ADAMTS19: variants seen among roughly 807,000 people sequenced by gnomAD.
ADAMTS19 encodes the protein A disintegrin and metalloproteinase with thrombospondin motifs 19.
ADAMTS19 carries 93 observed loss-of-function variants against 153.3 expected under a neutral mutation model. That is an observed-to-expected ratio of 0.61 (90% confidence interval 0.51 to 0.72). The LOEUF (loss-of-function observed/expected upper bound fraction) is 0.72. Among genes scored for constraint, ADAMTS19 ranks in the 30% least tolerant of loss-of-function variants. The pLI is 0.00. For missense variants in ADAMTS19, 1,482 were observed against 1,552.1 expected (o/e 0.95, Z 0.76); for synonymous variants, 600 against 556.6 (o/e 1.08, Z -1.10).
At chr5:129,483,988 A>G (rs1333570856) in intron 2 of ADAMTS19, among the ~76,000 whole-genome samples, 1 of 151,990 alleles carries the variant, frequency 6.6e-6, no homozygotes, top group East Asian at 1.9e-4. Flanking sequence ...ACCAAGTTAC[A>G]CTCTCACTAA....
At chr5:129,706,858 T>C (rs1756180123) in intron 21 of ADAMTS19, among the ~76,000 whole-genome samples, 1 of 152,192 alleles carries the variant, frequency 6.6e-6, no homozygotes, top group South Asian at 2.1e-4. Context: ...ACACTGATTG[T>C]GGTTTTTTAT....
intron 2 of ADAMTS19, among the ~76,000 whole-genome samples, chr5:129,469,170 A>C (rs1749978477): frequency 6.6e-6 from 1 of 152,100 alleles, no homozygotes; most frequent in Non-Finnish European, 1.5e-5. Flanking sequence ...TAATTACAAA[A>C]TAATATATTC....
chr5:129,590,506 TC>T (rs1231530371), intron 7 of ADAMTS19, among the ~76,000 whole-genome samples: 1 of 152,218 alleles, frequency 6.6e-6, no homozygotes, highest in African/African-American at 2.4e-5. Flanking sequence ...TCTTTCTAGA[TC>T]AGTTTTTTCT....
chr5:129,505,474 T>C (rs905380656), intron 2 of ADAMTS19, among the ~76,000 whole-genome samples: 3 of 152,158 alleles, frequency 2.0e-5, no homozygotes, highest in African/African-American at 7.2e-5. Flanking sequence ...CCATTTATAA[T>C]TAATGAGGTA....
intron 8 of ADAMTS19, among the ~76,000 whole-genome samples, chr5:129,604,479 T>C (rs1045559554): frequency 2.6e-5 from 4 of 152,222 alleles, no homozygotes; most frequent in Admixed American, 2.6e-4. Context: ...GTTAGATATA[T>C]GCTTCATTAG....
At chr5:129,612,055 G>A (rs183204764) in intron 8 of ADAMTS19, among the ~76,000 whole-genome samples, 1 of 151,752 alleles carries the variant, frequency 6.6e-6, no homozygotes, top group Admixed American at 6.6e-5. Context: ...CATGTGCCAT[G>A]TTGGTGTGCT....
intron 6 of ADAMTS19, among the ~76,000 whole-genome samples, chr5:129,543,271 C>G (rs1421041761): frequency 6.6e-6 from 1 of 151,848 alleles, no homozygotes; most frequent in Non-Finnish European, 1.5e-5. Context: ...AGGCTGGTCT[C>G]GAACTCCCGA....
intron 20 of ADAMTS19, among the ~76,000 whole-genome samples, chr5:129,702,169 G>C (rs1239811368): frequency 6.6e-6 from 1 of 152,092 alleles, no homozygotes; most frequent in African/African-American, 2.4e-5. Context: ...AACCCCTACA[G>C]GCTTGTAGTG....
intron 21 of ADAMTS19, among the ~76,000 whole-genome samples, chr5:129,729,811 A>T (rs1757359891): frequency 6.6e-6 from 1 of 152,060 alleles, no homozygotes; most frequent in South Asian, 2.1e-4. Context: ...CTGAAAAATG[A>T]TGTGTTACTT....
At chr5:129,544,741 G>A (rs1435467647) in intron 6 of ADAMTS19, among the ~76,000 whole-genome samples, 1 of 152,106 alleles carries the variant, frequency 6.6e-6, no homozygotes, top group Non-Finnish European at 1.5e-5. Context: ...TGGGGAAGTG[G>A]AACTGAAATG....
intron 7 of ADAMTS19, among the ~76,000 whole-genome samples, chr5:129,585,330 C>G (rs1022831110): frequency 2.6e-5 from 4 of 152,012 alleles, no homozygotes; most frequent in African/African-American, 9.6e-5. Context: ...CAGACCGGAG[C>G]TGTTCCTATT....
chr5:129,552,276 G>A (rs974915934), intron 7 of ADAMTS19, among the ~76,000 whole-genome samples: 10 of 151,792 alleles, frequency 6.6e-5, no homozygotes, highest in Admixed American at 6.6e-4. Context: ...TTTGAGTTAT[G>A]TATGCTTAAA....
intron 7 of ADAMTS19, among the ~76,000 whole-genome samples, chr5:129,574,324 C>A (rs934826720): frequency 1.5e-4 from 23 of 151,778 alleles, no homozygotes; most frequent in African/African-American, 4.8e-4. Context: ...AAATAAATAA[C>A]AAATACACGT....
At chr5:129,700,660 G>A (rs774119862) in intron 19 of ADAMTS19, among the ~76,000 whole-genome samples, 1 of 152,002 alleles carries the variant, frequency 6.6e-6, no homozygotes, top group Non-Finnish European at 1.5e-5. Flanking sequence ...CCAATACATA[G>A]GGCTATTGTA....
Position 129,468,196 on chromosome 5 carries a change from C to T in ADAMTS19, c.747+6439C>T, listed in dbSNP as rs563472476. On this transcript the variant is annotated intron_variant, in intron 2 of 22. Coordinates refer to ENST00000274487, the MANE Select transcript of ADAMTS19 (RefSeq NM_133638.6). Reference sequence around the variant, plus strand: ...TTAAAGGGCATGAGTATTGGTAATTCGGAGAGAGATTGCTTAATTGTACCC... The same window carrying T: ...TTAAAGGGCATGAGTATTGGTAATTTGGAGAGAGATTGCTTAATTGTACCC... Among the ~76,000 whole-genome samples, 78 of 152,240 alleles carry T rather than the reference C, an allele frequency of 5.1e-4. 2 individuals carry two copies. In the Middle Eastern group the frequency reaches 0.051, roughly 100 times the overall value.
intron 6 of ADAMTS19, among the ~76,000 whole-genome samples, chr5:129,543,381 A>G (rs1752732479): frequency 6.6e-6 from 1 of 152,190 alleles, no homozygotes. Flanking sequence ...ATTTACTAGA[A>G]TACAAAAATA....
intron 10 of ADAMTS19, among the ~76,000 whole-genome samples, chr5:129,623,379 C>T (rs993913214): frequency 6.6e-6 from 1 of 152,072 alleles, no homozygotes; most frequent in Non-Finnish European, 1.5e-5. Context: ...TCCTAACACA[C>T]ACACATACAC....
chr5:129,467,799 T>A (rs1749920001), intron 2 of ADAMTS19, among the ~76,000 whole-genome samples: 1 of 152,204 alleles, frequency 6.6e-6, no homozygotes, highest in South Asian at 2.1e-4. Flanking sequence ...CAATGAAAAA[T>A]CTTCCTCAAA....
intron 6 of ADAMTS19, among the ~76,000 whole-genome samples, chr5:129,531,360 C>T (rs1454027094): frequency 6.6e-6 from 1 of 152,138 alleles, no homozygotes; most frequent in Non-Finnish European, 1.5e-5. Context: ...TGTGGTGGCT[C>T]ACACCTGTAA....
Sources: gnomAD v4.1 joint callset for allele counts (sites outside exome capture counted in the v4.1 genomes callset) on GRCh38, gnomAD v4.1.1 for gene constraint, MANE v1.5 for transcripts, NCBI Gene and HGNC (gene_info 2026-07-23, HGNC 2026-07-21) for gene names.